KLKB1: variants seen among roughly 807,000 people sequenced by gnomAD.
The protein encoded by KLKB1 is plasma kallikrein.
Under a neutral mutation model 73.6 loss-of-function variants are expected in KLKB1, and 58 were observed. The ratio of observed to expected loss-of-function variants is 0.79; its 90% CI spans 0.64 to 0.98. The LOEUF is 0.98. Ranked by LOEUF, KLKB1 falls within the 50% of genes least tolerant of loss-of-function variation. The pLI, the probability that KLKB1 is intolerant of heterozygous loss-of-function variation, is 0.00. For missense variants in KLKB1, 737 were observed against 763.8 expected (o/e 0.96, Z 0.41); for synonymous variants, 280 against 258.1 (o/e 1.08, Z -0.81).
At chr4:186,214,759 C>A (rs1211423972) in intron 2 of KLKB1, among the ~76,000 whole-genome samples, 1 of 152,208 alleles carries the variant, frequency 6.6e-6, no homozygotes, top group South Asian at 2.1e-4. Context: ...AATCTCTCAT[C>A]TCTAATTACT....
intron 6 of KLKB1, among the ~76,000 whole-genome samples, chr4:186,247,776 T>C (rs1738433257): frequency 6.6e-6 from 1 of 152,222 alleles, no homozygotes; most frequent in East Asian, 1.9e-4. Flanking sequence ...ACAAGCTTGG[T>C]ATTTAATATG....
At chr4:186,252,636 C>T (rs1738753762) in intron 11 of KLKB1, among the ~76,000 whole-genome samples, 2 of 136,426 alleles carry the variant, frequency 1.5e-5, no homozygotes, top group Admixed American at 7.3e-5. Context: ...ACCAATCCCA[C>T]CACCGATCCC....
chr4:186,241,737 C>T (rs1027285149), intron 6 of KLKB1, among the ~76,000 whole-genome samples: 12 of 152,092 alleles, frequency 7.9e-5, no homozygotes, highest in African/African-American at 1.2e-4. Flanking sequence ...GTCTGATAAA[C>T]GAAGCTGGTT....
At chr4:186,211,292 A>G (rs1452784601) in intron 2 of KLKB1, 2 of 152,254 alleles carry the variant, frequency 1.3e-5, no homozygotes, top group Non-Finnish European at 2.9e-5. Context: ...CCCAAAAAAT[A>G]TAATTTAATC....
chr4:186,228,016 A>C (rs1253166531), intron 1 of KLKB1, among the ~76,000 whole-genome samples, 179 bp from the exon 2 acceptor site: 1 of 152,084 alleles, frequency 6.6e-6, no homozygotes, highest in East Asian at 1.9e-4. Context: ...AAGCATTATA[A>C]ATTTTCCAAC....
intron 4 of KLKB1, among the ~76,000 whole-genome samples, chr4:186,234,853 GT>G (rs1737575610): frequency 1.3e-5 from 2 of 152,192 alleles, no homozygotes; most frequent in Non-Finnish European, 2.9e-5. Context: ...AAAGTGAAAA[GT>G]GCTGAAAAGA....
chr4:186,215,216 G>T (rs1736858046), intron 2 of KLKB1, among the ~76,000 whole-genome samples: 1 of 149,150 alleles, frequency 6.7e-6, no homozygotes, highest in Non-Finnish European at 1.5e-5. Context: ...TCCATATATA[G>T]TTTTAAAATA....
rs748207232 is a variant in KLKB1 at position 186,236,749 on chromosome 4, C to G, written c.329-32C>G. The G allele has an allele frequency of 2.5e-6, 4 of 1,610,158 alleles. No individual in the cohort carries two copies. The Admixed American group carries it at 5.0e-5, about 20-fold the overall frequency. On this transcript the variant is annotated intron_variant, in intron 4 of 14. Coordinates refer to ENST00000264690, the MANE Select transcript of KLKB1 (RefSeq NM_000892.5). ...AATCTACCTCTAGAAAGAAAATGGACTGTATTTGCTCTATGTATTTTTCTT... is the reference window on the plus strand; with the variant it reads ...AATCTACCTCTAGAAAGAAAATGGAGTGTATTTGCTCTATGTATTTTTCTT...
intron 2 of KLKB1, among the ~76,000 whole-genome samples, chr4:186,217,242 G>C (rs1736926094): frequency 6.6e-6 from 1 of 152,164 alleles, no homozygotes; most frequent in Admixed American, 6.5e-5. Flanking sequence ...CAAACCCTGA[G>C]GGTTTCTGCT....
chr4:186,233,454 A>G lies in KLKB1; in HGVS notation c.222-498A>G, dbSNP rs1337855358. Among the ~76,000 whole-genome samples the G allele has an allele frequency of 8.5e-5, 13 of 152,348 alleles. No homozygotes were observed. The East Asian group carries it at 2.5e-3, about 29-fold the overall frequency. The stretch of plus-strand genomic sequence containing the variant: ...AAAACTCAGATTGTATGTGAGGATC[A>G]TCATATTAAAAGTGGAGGAAGGTTC... On this transcript the variant is annotated intron_variant, in intron 3 of 14. Transcript: ENST00000264690.
chr4:186,224,903 G>A (rs1047508357), upstream of KLKB1, among the ~76,000 whole-genome samples: 1 of 152,172 alleles, frequency 6.6e-6, no homozygotes, highest in Non-Finnish European at 1.5e-5. Flanking sequence ...TACATGGGAG[G>A]GGCCTGGTGA....
chr4:186,250,166 A>T, intron 6 of KLKB1, 77 bp from the exon 7 acceptor site: 1 of 1,299,900 alleles, frequency 7.7e-7, no homozygotes, highest in South Asian at 1.2e-5. Flanking sequence ...CAATTTCCTT[A>T]ACTATGGTGA....
chr4:186,229,392 A>G (rs1737288682), intron 2 of KLKB1, among the ~76,000 whole-genome samples: 1 of 152,180 alleles, frequency 6.6e-6, no homozygotes, highest in Non-Finnish European at 1.5e-5. Context: ...CATTTCACAA[A>G]AAAGAGTTAT....
intron 2 of KLKB1, among the ~76,000 whole-genome samples, chr4:186,229,940 GT>G (rs932761631): frequency 2.2e-4 from 33 of 149,720 alleles, no homozygotes; most frequent in East Asian, 2.0e-3. Flanking sequence ...AGACTCTTAT[GT>G]TTTTTTTTTC....
At chr4:186,234,097 T>C in intron 4 of KLKB1, 39 bp downstream of exon 4, 4 of 1,448,266 alleles carry the variant, frequency 2.8e-6, no homozygotes, top group Non-Finnish European at 3.9e-6. Flanking sequence ...GAGTTAATAT[T>C]GGATCTCGCT....
intron 6 of KLKB1, among the ~76,000 whole-genome samples, chr4:186,245,019 A>G (rs1029892323): frequency 1.3e-5 from 2 of 152,104 alleles, no homozygotes; most frequent in African/African-American, 4.8e-5. Context: ...AAAGGGTGGC[A>G]TTGAGGTGTG....
chr4:186,238,430 C>G, intron 6 of KLKB1, 65 bp downstream of exon 6: 1 of 1,100,584 alleles, frequency 9.1e-7, no homozygotes, highest in Non-Finnish European at 1.4e-6. Flanking sequence ...AGAGACGTCC[C>G]TGTGCTGAGC....
chr4:186,215,408 G>T (rs1271513492), intron 2 of KLKB1, among the ~76,000 whole-genome samples: 2 of 5,940 alleles, frequency 3.4e-4, no homozygotes, highest in Non-Finnish European at 1.0e-3. Flanking sequence ...TTCTTTCCTT[G>T]CTTTCTCTCT....
intron 3 of KLKB1, 47 bp downstream of exon 3, chr4:186,232,336 A>T (rs1334813755): frequency 6.4e-7 from 1 of 1,567,024 alleles, no homozygotes; most frequent in Non-Finnish European, 8.8e-7. Context: ...TTCAAAACTG[A>T]ATCAGTTTTG....
Sources: gnomAD v4.1 joint callset for allele counts (sites outside exome capture counted in the v4.1 genomes callset) on GRCh38, gnomAD v4.1.1 for gene constraint, MANE v1.5 for transcripts, NCBI Gene and HGNC (gene_info 2026-07-23, HGNC 2026-07-21) for gene names.